The following CENPP variants were observed in gnomAD, a reference collection of about 807,000 sequenced individuals.
CENPP encodes the protein centromere protein P.
A neutral mutation model predicts 35.6 loss-of-function variants in CENPP; 24 were observed. That is an observed-to-expected ratio of 0.67 (90% CI 0.49 to 0.95). CENPP has a LOEUF of 0.95. CENPP is among the 40% of genes least tolerant of loss of function. The pLI, the probability that CENPP is intolerant of heterozygous loss-of-function variation, is 0.00. For missense variants in CENPP, 332 were observed against 345.3 expected (o/e 0.96, Z 0.31); for synonymous variants, 120 against 125.5 (o/e 0.96, Z 0.29).
chr9:92,595,748 G>A (rs556944439), intron 5 of CENPP, among the ~76,000 whole-genome samples: 2 of 151,754 alleles, frequency 1.3e-5, no homozygotes, highest in South Asian at 4.2e-4. Context: ...TTTTAGTAGA[G>A]ACAGGGTTTC....
intron 5 of CENPP, chr9:92,417,232 A>C: frequency 6.2e-7 from 1 of 1,614,044 alleles, no homozygotes; most frequent in South Asian, 1.1e-5. Context: ...TGATGAATGA[A>C]TTTGCAGTCA....
At chr9:92,551,729 G>A (rs1020595616) in intron 5 of CENPP, among the ~76,000 whole-genome samples, 13 of 151,362 alleles carry the variant, frequency 8.6e-5, no homozygotes, top group African/African-American at 1.7e-4. Flanking sequence ...ATGCCCTTGC[G>A]TCCTCATAGC....
At chr9:92,529,758 C>CAAA (rs1268324989) in intron 5 of CENPP, among the ~76,000 whole-genome samples, 7 of 152,054 alleles carry the variant, frequency 4.6e-5, no homozygotes, top group African/African-American at 1.7e-4. Context: ...CTAGAAAGGG[C>CAAA]AAAACTATGC....
chr9:92,483,771 A>G (rs377397087), intron 5 of CENPP, among the ~76,000 whole-genome samples: 64 of 152,314 alleles, frequency 4.2e-4, no homozygotes, highest in African/African-American at 1.5e-3. Flanking sequence ...TCAGATGTGC[A>G]TAGCAGCTGG....
intron 5 of CENPP, among the ~76,000 whole-genome samples, chr9:92,464,122 C>T (rs925953217): frequency 3.9e-5 from 6 of 152,252 alleles, no homozygotes; most frequent in African/African-American, 1.4e-4. Context: ...CCCAGTTAGT[C>T]ATCAAAGCAA....
intron 4 of CENPP, among the ~76,000 whole-genome samples, chr9:92,368,497 A>T (rs1361176969): frequency 6.6e-6 from 1 of 152,190 alleles, no homozygotes; most frequent in Non-Finnish European, 1.5e-5. Context: ...ACACCAAATT[A>T]ATCACCTTCA....
intron 5 of CENPP, among the ~76,000 whole-genome samples, chr9:92,531,618 T>G (rs1848757541): frequency 6.6e-6 from 1 of 152,206 alleles, no homozygotes; most frequent in Non-Finnish European, 1.5e-5. Flanking sequence ...ATGCCATTAG[T>G]ACCTTCCTCC....
At chr9:92,393,184 T>A (rs773073761) in intron 5 of CENPP, 58 of 1,613,712 alleles carry the variant, frequency 3.6e-5, no homozygotes, top group Non-Finnish European at 4.3e-5. Flanking sequence ...AGCATCAATG[T>A]CAACTTCTTC....
intron 6 of CENPP, among the ~76,000 whole-genome samples, 199 bp downstream of exon 6, chr9:92,611,592 C>T (rs921063980): frequency 3.9e-5 from 6 of 152,184 alleles, no homozygotes; most frequent in South Asian, 2.1e-4. Context: ...TGTGCTGGGC[C>T]GCAGGGGGAA....
chr9:92,441,211 A>T (rs1300687467), intron 5 of CENPP, among the ~76,000 whole-genome samples: 1 of 152,234 alleles, frequency 6.6e-6, no homozygotes, highest in Non-Finnish European at 1.5e-5. Context: ...CTACATATTT[A>T]TCATCTATGT....
intron 5 of CENPP, among the ~76,000 whole-genome samples, chr9:92,562,704 A>T (rs2026585): frequency 0.43 from 65,558 of 151,906 alleles, 16,840 homozygotes; most frequent in African/African-American, 0.72. Context: ...AAATTACACA[A>T]ATGGTAGTTT....
chr9:92,581,508 C>T (rs1850424829), intron 5 of CENPP, among the ~76,000 whole-genome samples: 1 of 152,136 alleles, frequency 6.6e-6, no homozygotes, highest in Non-Finnish European at 1.5e-5. Flanking sequence ...AACTCTGATC[C>T]TTCAACAGCA....
At chr9:92,433,087 G>T (rs1220162396) in intron 5 of CENPP, among the ~76,000 whole-genome samples, 1 of 152,126 alleles carries the variant, frequency 6.6e-6, no homozygotes. Context: ...TACTATAACA[G>T]AATACCACGC....
chr9:92,372,564 A>C (rs1351499061), intron 4 of CENPP, among the ~76,000 whole-genome samples: 1 of 152,114 alleles, frequency 6.6e-6, no homozygotes, highest in Admixed American at 6.6e-5. Context: ...CATGATGGTA[A>C]ATGTCATCCT....
intron 5 of CENPP, chr9:92,514,691 C>T (rs775294587): frequency 6.2e-6 from 10 of 1,611,392 alleles, no homozygotes; most frequent in East Asian, 4.5e-5. Context: ...GTAAGCATGG[C>T]GTTGATGCAG....
In CENPP at chr9:92,617,785, G is replaced by A. The variant is rs535333534; in HGVS notation, c.*4636G>A. 30 of 178,168 alleles carry A rather than the reference G, an allele frequency of 1.7e-4. No individual in the cohort carries two copies. Among genetic ancestry groups the A allele is most frequent in the Non-Finnish European group, 3.2e-4 (27 of 83,722 alleles). 11.0% of individuals were successfully genotyped at this position (178,168 alleles called of 1,614,324 possible). ...CGAGAGGAGCATCAGGGTTTAGGCC[G>A]GGAAGCTGTGGCAGCTCTCTCCACA... On this transcript the variant is annotated 3_prime_UTR_variant, in exon 8 of 8. Coordinates refer to ENST00000375587, the MANE Select transcript of CENPP (RefSeq NM_001012267.3).
chr9:92,529,861 A>G (rs1169804727), intron 5 of CENPP, among the ~76,000 whole-genome samples: 1 of 152,204 alleles, frequency 6.6e-6, no homozygotes, highest in Non-Finnish European at 1.5e-5. Flanking sequence ...CTGATACAGT[A>G]TAGTCAGCCC....
intron 4 of CENPP, among the ~76,000 whole-genome samples, chr9:92,346,783 GA>G (rs2130805757): frequency 6.6e-6 from 1 of 152,266 alleles, no homozygotes; most frequent in Non-Finnish European, 1.5e-5. Context: ...GGATTTGGGG[GA>G]TAATTAGGAA....
At chr9:92,538,388 CA>C (rs1445772307) in intron 5 of CENPP, among the ~76,000 whole-genome samples, 1 of 152,142 alleles carries the variant, frequency 6.6e-6, no homozygotes, top group Non-Finnish European at 1.5e-5. Flanking sequence ...AAGGAATAAA[CA>C]ACAAAATATT....
Sources: gnomAD v4.1 joint callset for allele counts (sites outside exome capture counted in the v4.1 genomes callset) on GRCh38, gnomAD v4.1.1 for gene constraint, MANE v1.5 for transcripts, NCBI Gene and HGNC (gene_info 2026-07-23, HGNC 2026-07-21) for gene names.